Variants in MRC2 observed in about 807,000 individuals in gnomAD.
MRC2 encodes C-type mannose receptor 2.
MRC2 carries 84 observed loss-of-function variants against 206.2 expected under a neutral mutation model. The ratio of observed to expected loss-of-function variants is 0.41; its 90% CI spans 0.34 to 0.49. The LOEUF (loss-of-function observed/expected upper bound fraction) is 0.49, where lower values mean the gene tolerates loss of function less well. MRC2 is among the 20% of genes least tolerant of loss of function. The probability of loss-of-function intolerance (pLI) is 0.31; values close to 1 mark genes in which losing one functional copy is unlikely to be tolerated. For missense variants in MRC2, 1,676 were observed against 2,001.5 expected, an observed-to-expected ratio of 0.84 and a Z score of 3.10; for synonymous variants, 798 against 800.0, an observed-to-expected ratio of 1.00 and a Z score of 0.04.
chr17:62,664,636 T>C lies in MRC2; in HGVS notation c.207T>C (p.Asn69=), dbSNP rs780628580. 6.2e-7 allele frequency: 1 copy of C among 1,613,696 alleles called. No homozygotes were observed. Residue 69 remains asparagine (N), a synonymous_variant, in exon 2 of 30, where the codon AAT becomes AAC. Coordinates refer to ENST00000303375, the MANE Select transcript of MRC2 (RefSeq NM_006039.5). The surrounding 1 kb of genome is among the most constrained non-coding windows in gnomAD (Gnocchi z 4.7). ...GGQVRVTPAC[N]TSLPAQRWKW... is the part of the protein sequence containing the mutation. ...AGGTCAGAGTCACCCCGGCTTGCAA[T>C]ACCAGCCTCCCTGCCCAGCGCTGGA...
Position 62,672,202 on chromosome 17 carries a change from T to G in MRC2, c.1461+50T>G. 6.2e-7 allele frequency: 1 copy of G among 1,605,986 alleles called. No individual in the cohort carries two copies. The highest frequency in any genetic ancestry group is 8.5e-7 in the Non-Finnish European group (1 of 1,174,246). On this transcript the variant is annotated intron_variant, in intron 8 of 29. Transcript: ENST00000303375. This position sits in a 1 kb window ranked among gnomAD's most constrained non-coding sequence, Gnocchi z 4.5. ...AGGGCCACAAAATACACCCCCAACC[T>G]CCAGGTGCCACCCCAGCTGAAGGAC... is the stretch of plus-strand genomic sequence containing the variant.
rs1248783750 is a variant in MRC2 at position 62,675,186 on chromosome 17, T to C, written c.1570-604T>C. 6.6e-6 allele frequency among the ~76,000 whole-genome samples: 1 copy of C among 152,102 alleles called. No homozygotes were observed. The highest frequency in any genetic ancestry group is 1.5e-5 in the Non-Finnish European group (1 of 67,996). ...TTGTGTGGGGAGTGTTGAGGGTCCA[T>C]GGTTAACAGCCCAGGATCACCAGGG... is the stretch of plus-strand genomic sequence containing the variant. On this transcript the variant is annotated intron_variant, in intron 9 of 29. Transcript: ENST00000303375. The surrounding 1 kb of genome is among the most constrained non-coding windows in gnomAD (Gnocchi z 4.1).
chr17:62,676,630 T>A (rs2088896305), intron 11 of MRC2, 99 bp downstream of exon 11: 2 of 1,422,314 alleles, frequency 1.4e-6, no homozygotes, highest in East Asian at 2.3e-5. Flanking sequence ...CATAAACAGA[T>A]CATTGGTGCA....
intron 1 of MRC2, among the ~76,000 whole-genome samples, chr17:62,631,479 A>T (rs985153594): frequency 6.6e-6 from 1 of 152,156 alleles, no homozygotes; most frequent in African/African-American, 2.4e-5. Context: ...CTCCAGTACC[A>T]TACAGCGTTT....
chr17:62,679,963 T>A, intron 14 of MRC2, 61 bp downstream of exon 14: 1 of 946,028 alleles, frequency 1.1e-6, no homozygotes, highest in Non-Finnish European at 1.5e-6. Context: ...GGGGCCTGTT[T>A]GGGGCGGGGC....
chr17:62,684,837 A>G (rs966681947), intron 20 of MRC2, among the ~76,000 whole-genome samples: 1 of 152,184 alleles, frequency 6.6e-6, no homozygotes, highest in Non-Finnish European at 1.5e-5. Flanking sequence ...CCCTCCTCAG[A>G]ATATTCAAAA....
intron 1 of MRC2, among the ~76,000 whole-genome samples, chr17:62,657,774 C>T (rs976560857): frequency 6.6e-5 from 10 of 152,258 alleles, no homozygotes; most frequent in African/African-American, 1.9e-4. Context: ...GCTCTCAGGA[C>T]GCCTTTTCTC....
intron 1 of MRC2, among the ~76,000 whole-genome samples, chr17:62,647,540 C>T (rs2088505469): frequency 6.6e-6 from 1 of 152,052 alleles, no homozygotes; most frequent in Non-Finnish European, 1.5e-5. Context: ...TGTCTAAATA[C>T]CCTTTATACA....
chr17:62,678,766 A>T (rs1456937888), intron 13 of MRC2, 120 bp downstream of exon 13: 1 of 1,422,590 alleles, frequency 7.0e-7, no homozygotes, highest in East Asian at 2.4e-5. Flanking sequence ...GGGTGACCCC[A>T]GGGAGGCCTG....
At chr17:62,651,730 C>G (rs1306289714) in intron 1 of MRC2, among the ~76,000 whole-genome samples, 1 of 152,070 alleles carries the variant, frequency 6.6e-6, no homozygotes, top group Non-Finnish European at 1.5e-5. Flanking sequence ...TGCCACCATA[C>G]CCAGCTAATT....
At position 62,688,391 on chromosome 17, in the gene MRC2, C is replaced by G. The variant is rs2089058301; in HGVS notation, c.3049C>G (p.Pro1017Ala). The change falls in exon 21 of 30, where the codon CCC (proline) becomes GCC (alanine). Residue 1017 changes from proline (P) to alanine (A), a missense_variant. Pro to Ala is a conservative substitution (Grantham distance 27, BLOSUM62 -1). This residue lies in a region of MRC2 where 1,354 missense variants were observed against 1,636.6 expected (regional missense o/e 0.83). Coordinates refer to ENST00000303375, the MANE Select transcript of MRC2 (RefSeq NM_006039.5). ...GGCCCAGCTGGTCACCATCACAAAC[C>G]CCTTAGAGCAAGGTAGGGCCAGCCT... The part of the protein sequence containing the change: ...QEAQLVTITN[P>A]LEQAFITASL... The G allele has an allele frequency of 1.9e-6, 3 of 1,614,240 alleles. No homozygotes were observed. Among genetic ancestry groups the G allele is most frequent in the Non-Finnish European group, 2.5e-6 (3 of 1,180,036 alleles).
chr17:62,664,146 A>G lies in MRC2; in HGVS notation c.119-402A>G, dbSNP rs2088716478. 6.6e-6 allele frequency among the ~76,000 whole-genome samples: 1 copy of G among 151,518 alleles called. No homozygotes were observed. The highest frequency in any genetic ancestry group is 2.1e-4 in the South Asian group (1 of 4,808). ...GGCTAATTTTTTGTATTTTTAGTAG[A>G]GACGGGGTTTCACCGTTTTAGCCGG... is the stretch of plus-strand genomic sequence containing the variant. On this transcript the variant is annotated intron_variant, in intron 1 of 29. Coordinates refer to ENST00000303375, the MANE Select transcript of MRC2 (RefSeq NM_006039.5). This position sits in a 1 kb window ranked among gnomAD's most constrained non-coding sequence, Gnocchi z 4.7.
chr17:62,691,990 G>A, intron 28 of MRC2, 122 bp from the exon 29 acceptor site: 1 of 1,287,874 alleles, frequency 7.8e-7, no homozygotes, highest in Non-Finnish European at 1.1e-6. Context: ...GATGGGAGGG[G>A]GAACTAGAGC....
rs1416418373 is a variant in MRC2, at chr17:62,666,158, C to T, written c.585C>T (p.Asn195=). Reference sequence around the variant, plus strand: ...GCACCATCCCCTTCAAATATGACAACCAGTGGTTCCACGGCTGCACCAGCA... The same window carrying T: ...GCACCATCCCCTTCAAATATGACAATCAGTGGTTCCACGGCTGCACCAGCA... The part of the protein sequence containing the change: ...KPCTIPFKYD[N]QWFHGCTSTG... The change falls in exon 3 of 30, where the codon AAC becomes AAT. Residue 195 remains asparagine, a synonymous_variant. Coordinates refer to ENST00000303375, the MANE Select transcript of MRC2 (RefSeq NM_006039.5). The surrounding 1 kb of genome is among the most constrained non-coding windows in gnomAD (Gnocchi z 5.0). 2 of 1,599,850 alleles carry T rather than the reference C, an allele frequency of 1.3e-6. No homozygotes were observed. The highest frequency in any genetic ancestry group is 8.5e-7 in the Non-Finnish European group (1 of 1,173,220).
intron 1 of MRC2, among the ~76,000 whole-genome samples, chr17:62,650,055 C>T (rs1046328144): frequency 2.6e-5 from 4 of 152,044 alleles, no homozygotes; most frequent in Admixed American, 6.6e-5. Flanking sequence ...CCACCACACC[C>T]GGCTAAGTTT....
intron 1 of MRC2, among the ~76,000 whole-genome samples, chr17:62,636,900 C>T (rs1338403098): frequency 6.6e-6 from 1 of 152,022 alleles, no homozygotes; most frequent in African/African-American, 2.4e-5. Flanking sequence ...AACCACTGCA[C>T]CTGGACCAAT....
At chr17:62,690,480 GC>G (rs139502298) in intron 26 of MRC2, among the ~76,000 whole-genome samples, 161 bp from the exon 27 acceptor site, 4,924 of 152,114 alleles carry the variant, frequency 0.032, 260 homozygotes, top group African/African-American at 0.11. Flanking sequence ...TGCATATGCT[GC>G]CCCCCCACAC....
Position 62,688,204 on chromosome 17 carries a change from G to T in MRC2, c.2947-85G>T, listed in dbSNP as rs891804549. 14 of 1,188,260 alleles carry T rather than the reference G, an allele frequency of 1.2e-5. No homozygotes were observed. In the African/African-American group the frequency reaches 2.0e-4, roughly 17 times the overall value. The allele number at this position is 1,188,260 out of a possible 1,614,324, so 73.6% of individuals were successfully genotyped here. A position where few individuals can be genotyped will look rare whatever the true frequency, so the allele number is the denominator to read the frequency against. ...GGCCCTCAAAGGCCCCCCAGGACCT[G>T]CTGCTGAGGGGCGCACAGTGGCCTT... On this transcript the variant is annotated intron_variant, in intron 20 of 29. Transcript: ENST00000303375.
In MRC2 at chr17:62,692,587, C is replaced by G; in HGVS notation, c.*136C>G. 2.2e-6 allele frequency: 2 copies of G among 900,462 alleles called. No individual in the cohort carries two copies. The highest frequency in any genetic ancestry group is 2.7e-5 in the East Asian group (1 of 37,418). The allele number at this position is 900,462 out of a possible 1,614,324, so 55.8% of individuals were successfully genotyped here. On this transcript the variant is annotated 3_prime_UTR_variant, in exon 30 of 30. Coordinates refer to ENST00000303375, the MANE Select transcript of MRC2 (RefSeq NM_006039.5). The surrounding 1 kb of genome is among the most constrained non-coding windows in gnomAD (Gnocchi z 4.2). The stretch of plus-strand genomic sequence containing the variant: ...TGGGAGTCGCTGTTGGGAGCCGGAG[C>G]TGGGCAGAGCCTGGGCTGGTGGGGT...
Sources: allele counts gnomAD v4.1 joint callset (sites outside exome capture counted in the v4.1 genomes callset), GRCh38; gene constraint gnomAD v4.1.1; regional missense constraint gnomAD v4.1.1; non-coding constraint Gnocchi (gnomAD v3.1); transcripts MANE v1.5; gene names NCBI Gene and HGNC (gene_info 2026-07-23, HGNC 2026-07-21).